Variants in GRIA1 observed in about 807,000 individuals in gnomAD.
GRIA1 encodes the protein glutamate ionotropic receptor AMPA type subunit 1.
GRIA1 carries 31 observed loss-of-function variants against 99.2 expected under a neutral mutation model. The ratio of observed to expected loss-of-function variants is 0.31; its 90% confidence interval spans 0.23 to 0.42. The LOEUF (loss-of-function observed/expected upper bound fraction) is 0.42, where lower values mean the gene tolerates loss of function less well. Ranked by LOEUF, GRIA1 falls within the 10% of genes least tolerant of loss-of-function variation. GRIA1 has a pLI of 1.00. For missense variants in GRIA1, 782 were observed against 1,157.5 expected, an observed-to-expected ratio of 0.68 and a Z score of 4.71; for synonymous variants, 438 against 432.4, an observed-to-expected ratio of 1.01 and a Z score of -0.16.
intron 5 of GRIA1, among the ~76,000 whole-genome samples, chr5:153,664,999 C>A (rs945943702): frequency 2.0e-5 from 3 of 152,172 alleles, no homozygotes; most frequent in African/African-American, 7.2e-5. Flanking sequence ...GAACTGTAGC[C>A]ATAAGGGCCC....
chr5:153,580,264 T>A (rs865917787), intron 2 of GRIA1, among the ~76,000 whole-genome samples: 1 of 151,934 alleles, frequency 6.6e-6, no homozygotes, highest in Non-Finnish European at 1.5e-5. Flanking sequence ...GGAAGGGAGG[T>A]CTCTGTGACC....
At chr5:153,578,122 G>A (rs1167244014) in intron 2 of GRIA1, among the ~76,000 whole-genome samples, 3 of 114,922 alleles carry the variant, frequency 2.6e-5, no homozygotes, top group Non-Finnish European at 4.9e-5. Context: ...TTGCGCCCCA[G>A]CCTGAGCAGC....
chr5:153,500,450 T>C lies in GRIA1; in HGVS notation c.220+6385T>C, dbSNP rs2113234511. 1.3e-5 allele frequency among the ~76,000 whole-genome samples: 2 copies of C among 152,314 alleles called. 1 individual carries two copies. Among genetic ancestry groups the C allele is most frequent in the South Asian group, 4.1e-4 (2 of 4,824 alleles). ...GCTGATGCAAGAGATGAAATCCATT[T>C]TTCATTACAAGGCATTGCACTAGAA... is the stretch of plus-strand genomic sequence containing the variant. On this transcript the variant is annotated intron_variant, in intron 2 of 15. Transcript: ENST00000285900.
chr5:153,705,078 G>T (rs999864912), intron 10 of GRIA1, among the ~76,000 whole-genome samples: 10 of 152,134 alleles, frequency 6.6e-5, no homozygotes, highest in Non-Finnish European at 1.5e-4. Context: ...CATGTTCTTG[G>T]ATTCCTCTGT....
chr5:153,537,338 T>A (rs994563605), intron 2 of GRIA1, among the ~76,000 whole-genome samples: 6 of 152,196 alleles, frequency 3.9e-5, no homozygotes, highest in Non-Finnish European at 5.9e-5. Context: ...AGTGGAAAAC[T>A]AATGATTTCT....
chr5:153,572,419 A>C (rs181167687), intron 2 of GRIA1, among the ~76,000 whole-genome samples: 3 of 152,310 alleles, frequency 2.0e-5, no homozygotes, highest in African/African-American at 4.8e-5. Flanking sequence ...CCTCCTGTGC[A>C]TTCATCCTGA....
intron 2 of GRIA1, among the ~76,000 whole-genome samples, chr5:153,519,263 A>T (rs529392913): frequency 4.6e-5 from 7 of 151,742 alleles, no homozygotes; most frequent in African/African-American, 1.7e-4. Flanking sequence ...CTCCATCTCA[A>T]AAAAAAAGGA....
rs1754484277 is a variant in GRIA1 at position 153,650,524 on chromosome 5, G to A, written c.645+10G>A. The A allele has an allele frequency of 1.2e-6, 2 of 1,612,760 alleles. No homozygotes were observed. Among genetic ancestry groups the A allele is most frequent in the Non-Finnish European group, 1.7e-6 (2 of 1,179,224 alleles). On this transcript the variant is annotated intron_variant, in intron 4 of 15. Transcript: ENST00000285900. The stretch of plus-strand genomic sequence containing the variant: ...TGCTATCTTGGGCCAGGTAGTGAAA[G>A]CAGCAAGGGCTCAGGGTGGGTGCGG...
intron 2 of GRIA1, among the ~76,000 whole-genome samples, chr5:153,602,649 AAAGT>A (rs1031175545): frequency 1.3e-5 from 2 of 152,172 alleles, no homozygotes; most frequent in African/African-American, 4.8e-5. Context: ...CAAAAAAGAT[AAAGT>A]AATTTGCCCA....
In GRIA1 at chr5:153,641,984, G is replaced by A. The variant is rs75341017; in HGVS notation, c.221-4944G>A. ...GTGTCTTCACAAATGCCAGATACTG[G>A]GTGTCGAATGGTGGGTGGATGGATA... On this transcript the variant is annotated intron_variant, in intron 2 of 15. Transcript: ENST00000285900. Among the ~76,000 whole-genome samples the A allele has an allele frequency of 1.2e-3, 190 of 152,260 alleles. 1 individual carries two copies. The highest frequency in any genetic ancestry group is 2.0e-3 in the Non-Finnish European group (135 of 68,028).
Position 153,548,341 on chromosome 5 carries a change from T to C in GRIA1, c.220+54276T>C, listed in dbSNP as rs1035667481. The stretch of plus-strand genomic sequence containing the variant: ...GGTGGGTCCCAGCAATATGTATTTT[T>C]TAAAAATCTTCTCAATTGTGAAACA... On this transcript the variant is annotated intron_variant, in intron 2 of 15. Coordinates refer to ENST00000285900, the MANE Select transcript of GRIA1 (RefSeq NM_000827.4). Among the ~76,000 whole-genome samples, 4 of 152,244 alleles carry C rather than the reference T, an allele frequency of 2.6e-5. 1 individual carries two copies. Among genetic ancestry groups the C allele is most frequent in the Middle Eastern group, 3.4e-3 (1 of 294 alleles).
chr5:153,728,110 C>G (rs1407467304), intron 11 of GRIA1, among the ~76,000 whole-genome samples: 1 of 151,122 alleles, frequency 6.6e-6, no homozygotes, highest in Non-Finnish European at 1.5e-5. Context: ...TTTGATAAAC[C>G]TGAGAAAAAT....
intron 2 of GRIA1, among the ~76,000 whole-genome samples, chr5:153,544,862 C>G (rs1479365582): frequency 6.6e-6 from 1 of 152,188 alleles, no homozygotes; most frequent in Admixed American, 6.5e-5. Flanking sequence ...AATATGGCTT[C>G]TCCTTAGAAT....
intron 11 of GRIA1, among the ~76,000 whole-genome samples, chr5:153,748,710 G>C (rs2149586431): frequency 6.6e-6 from 1 of 152,274 alleles, no homozygotes; most frequent in African/African-American, 2.4e-5. Context: ...GAGGGAAAGA[G>C]ACAAGTCAGA....
At chr5:153,600,317 A>T (rs1054817705) in intron 2 of GRIA1, among the ~76,000 whole-genome samples, 1 of 139,784 alleles carries the variant, frequency 7.2e-6, no homozygotes, top group Admixed American at 8.1e-5. Flanking sequence ...GCGTGAACCC[A>T]GGAGGCGGAG....
At chr5:153,711,941 T>C (rs10476796) in intron 11 of GRIA1, among the ~76,000 whole-genome samples, 12,577 of 152,308 alleles carry the variant, frequency 0.083, 600 homozygotes, top group African/African-American at 0.11. Flanking sequence ...TGTCTCCACC[T>C]AGTGGAGATA....
intron 13 of GRIA1, among the ~76,000 whole-genome samples, chr5:153,789,716 A>G (rs1333944947): frequency 6.6e-6 from 1 of 152,160 alleles, no homozygotes; most frequent in African/African-American, 2.4e-5. Flanking sequence ...CTGAGCTTCT[A>G]TTATGGGCCC....
intron 11 of GRIA1, among the ~76,000 whole-genome samples, chr5:153,740,394 A>G (rs1761695274): frequency 6.6e-6 from 1 of 152,250 alleles, no homozygotes; most frequent in Non-Finnish European, 1.5e-5. Flanking sequence ...AACTGAGCTG[A>G]GCCTGTCCTC....
intron 12 of GRIA1, among the ~76,000 whole-genome samples, chr5:153,765,985 A>G (rs754384077): frequency 2.0e-5 from 3 of 152,236 alleles, no homozygotes; most frequent in Non-Finnish European, 4.4e-5. Context: ...GGGATCCTGT[A>G]CAGACTCACC....
Sources: allele counts gnomAD v4.1 joint callset (sites outside exome capture counted in the v4.1 genomes callset), GRCh38; gene constraint gnomAD v4.1.1; transcripts MANE v1.5; gene names NCBI Gene and HGNC (gene_info 2026-07-23, HGNC 2026-07-21).